The following GPHN variants were observed in gnomAD, a reference collection of about 807,000 sequenced individuals.
GPHN encodes the protein gephyrin.
A neutral mutation model predicts 95.5 loss-of-function variants in GPHN; 17 were observed. That is an observed-to-expected ratio of 0.18 (90% CI 0.12 to 0.27). The LOEUF (loss-of-function observed/expected upper bound fraction) is 0.27, where lower values mean the gene tolerates loss of function less well. GPHN is among the 10% of genes least tolerant of loss of function. The pLI, the probability that GPHN is intolerant of heterozygous loss-of-function variation, is 1.00. For synonymous variants in GPHN, 320 were observed against 322.5 expected (o/e 0.99, Z 0.08); for missense variants, 660 against 978.1 (o/e 0.67, Z 4.34).
the GPHN span, among the ~76,000 whole-genome samples, chr14:67,442,694 A>T: frequency 6.6e-6 from 1 of 152,210 alleles, no homozygotes; most frequent in Non-Finnish European, 1.5e-5. Context: ...AAACAACAGG[A>T]CACCTGCAGC....
At chr14:66,617,254 A>T (rs8023060) in intron 1 of GPHN, among the ~76,000 whole-genome samples, 47,259 of 152,152 alleles carry the variant, frequency 0.31, 11,196 homozygotes, top group African/African-American at 0.64. Context: ...CCCCTCCTGT[A>T]GGGAGCTCAG....
chr14:67,531,475 A>C, the GPHN span, among the ~76,000 whole-genome samples: 4 of 152,030 alleles, frequency 2.6e-5, no homozygotes, highest in East Asian at 5.8e-4. Flanking sequence ...TATGGCCCCA[A>C]ACTCATTGAA....
the GPHN span, among the ~76,000 whole-genome samples, chr14:67,517,796 G>A: frequency 1.3e-4 from 20 of 152,174 alleles, no homozygotes; most frequent in Non-Finnish European, 2.6e-4. Context: ...GGAAATTAAG[G>A]CTCAGAGAGG....
At chr14:67,274,587 G>A in the GPHN span, among the ~76,000 whole-genome samples, 2 of 152,050 alleles carry the variant, frequency 1.3e-5, no homozygotes, top group Non-Finnish European at 2.9e-5. Context: ...TTGGCTTAGG[G>A]TTGTCTTGGC....
chr14:66,548,633 CCT>C (rs1430953057), intron 1 of GPHN, among the ~76,000 whole-genome samples: 1 of 152,140 alleles, frequency 6.6e-6, no homozygotes, highest in Non-Finnish European at 1.5e-5. Flanking sequence ...CAAAATATTC[CCT>C]GAGTATTGAA....
chr14:67,281,020 TC>T, the GPHN span, among the ~76,000 whole-genome samples: 2 of 151,888 alleles, frequency 1.3e-5, no homozygotes, highest in East Asian at 3.9e-4. Flanking sequence ...TGCCTTAGCC[TC>T]CCGAGTGGCT....
At chr14:67,374,033 A>C in the GPHN span, among the ~76,000 whole-genome samples, 1 of 152,150 alleles carries the variant, frequency 6.6e-6, no homozygotes, top group East Asian at 1.9e-4. Flanking sequence ...AAGGTAATGG[A>C]ATATATATAA....
chr14:66,889,139 C>T, intron 5 of GPHN, among the ~76,000 whole-genome samples: 1 of 151,940 alleles, frequency 6.6e-6, no homozygotes, highest in East Asian at 1.9e-4. Flanking sequence ...GACAGCTATG[C>T]AAGAATAGTT....
chr14:66,893,409 C>T (rs1210916910), intron 5 of GPHN, among the ~76,000 whole-genome samples: 1 of 152,118 alleles, frequency 6.6e-6, no homozygotes, highest in Non-Finnish European at 1.5e-5. Flanking sequence ...CAGTATCATA[C>T]TGAATGGGCA....
intron 4 of GPHN, among the ~76,000 whole-genome samples, chr14:66,838,900 G>A (rs2061967471): frequency 6.6e-6 from 1 of 152,138 alleles, no homozygotes; most frequent in South Asian, 2.1e-4. Context: ...CAGAATATTT[G>A]TAACTTTGTT....
At chr14:67,520,931 A>G in the GPHN span, among the ~76,000 whole-genome samples, 1 of 152,258 alleles carries the variant, frequency 6.6e-6, no homozygotes. Context: ...GCATTCCCAC[A>G]AGCAATGAAT....
At chr14:66,693,854 T>C (rs1595576906) in intron 2 of GPHN, among the ~76,000 whole-genome samples, 1 of 152,198 alleles carries the variant, frequency 6.6e-6, no homozygotes. Flanking sequence ...CATAATACTC[T>C]GTTAAGTTAA....
chr14:67,124,706 G>A (rs534518881), intron 17 of GPHN, among the ~76,000 whole-genome samples: 150 of 152,182 alleles, frequency 9.9e-4, no homozygotes, highest in African/African-American at 3.4e-3. Flanking sequence ...CTCTAAGTGC[G>A]TTAATGAGCT....
the GPHN span, among the ~76,000 whole-genome samples, chr14:67,220,508 A>G: frequency 1.3e-5 from 2 of 152,150 alleles, no homozygotes; most frequent in Non-Finnish European, 2.9e-5. Context: ...ACTAGTCTTT[A>G]AAATTTAAAT....
chr14:66,870,158 G>A lies in GPHN; in HGVS notation c.295-9781G>A, dbSNP rs577125760. On this transcript the variant is annotated intron_variant, in intron 4 of 22. Coordinates refer to ENST00000478722, the MANE Select transcript of GPHN (RefSeq NM_020806.5). ...TTCTAATGTTTTATGTAAAATGTTT[G>A]ATACAAACGTGAGAAAGACTGTGTT... Among the ~76,000 whole-genome samples the A allele has an allele frequency of 1.6e-3, 238 of 152,238 alleles. 1 individual carries two copies. Among genetic ancestry groups the A allele is most frequent in the Non-Finnish European group, 2.7e-3 (185 of 68,004 alleles).
At chr14:67,313,975 TAA>T in the GPHN span, among the ~76,000 whole-genome samples, 1 of 143,668 alleles carries the variant, frequency 7.0e-6, no homozygotes, top group Non-Finnish European at 1.5e-5. Flanking sequence ...AAACAAAAAT[TAA>T]AAAAAAAAAA....
At chr14:66,534,087 G>A (rs887325287) in intron 1 of GPHN, among the ~76,000 whole-genome samples, 1 of 152,106 alleles carries the variant, frequency 6.6e-6, no homozygotes, top group African/African-American at 2.4e-5. Context: ...TTTTCTCCAA[G>A]TATACATCCA....
At position 66,797,021 on chromosome 14, in the gene GPHN, C is replaced by CTTT. The variant is rs369681377; in HGVS notation, c.201+20519_201+20521dup. The stretch of plus-strand genomic sequence containing the variant: ...ATGGTGAGACATAGGTATCTAGTTC[C>CTTT]TTTTTTTTTTTTTTTTTTTTTGCAT... On this transcript the variant is annotated intron_variant, in intron 3 of 22. Transcript: ENST00000478722. Among the ~76,000 whole-genome samples, 212 of 81,212 alleles carry CTTT rather than the reference C, an allele frequency of 2.6e-3. 11 individuals are homozygous for CTTT. The highest frequency in any genetic ancestry group is 8.6e-3 in the African/African-American group (183 of 21,184). The allele number at this position is 81,212 out of a possible 152,430, so 53.3% of individuals were successfully genotyped here. A position where few individuals can be genotyped will look rare whatever the true frequency, so the allele number is the denominator to read the frequency against.
the GPHN span, chr14:67,376,445 A>G: frequency 1.2e-6 from 2 of 1,604,466 alleles, no homozygotes; most frequent in Non-Finnish European, 1.7e-6. Flanking sequence ...CTAGGTTTAT[A>G]GCATTCTTCG....
Sources: gnomAD v4.1 joint callset for allele counts (sites outside exome capture counted in the v4.1 genomes callset) on GRCh38, gnomAD v4.1.1 for gene constraint, MANE v1.5 for transcripts, NCBI Gene and HGNC (gene_info 2026-07-23, HGNC 2026-07-21) for gene names.